Variants in KCNIP4 observed in about 807,000 individuals in gnomAD.
The protein encoded by KCNIP4 is potassium voltage-gated channel interacting protein 4.
Under a neutral mutation model 34.0 loss-of-function variants are expected in KCNIP4, and 12 were observed. The observed-to-expected ratio is 0.35, with a 90% confidence interval of 0.23 to 0.57. The LOEUF (loss-of-function observed/expected upper bound fraction) is 0.57, where lower values mean the gene tolerates loss of function less well. KCNIP4 is among the 20% of genes least tolerant of loss of function. KCNIP4 has a pLI of 0.83. For synonymous variants in KCNIP4, 124 were observed against 102.2 expected, an observed-to-expected ratio of 1.21 and a Z score of -1.29; for missense variants, 238 against 311.7, an observed-to-expected ratio of 0.76 and a Z score of 1.78.
chr4:21,391,862 CTGA>C (rs1353635559), intron 1 of KCNIP4, among the ~76,000 whole-genome samples: 1 of 152,056 alleles, frequency 6.6e-6, no homozygotes, highest in Non-Finnish European at 1.5e-5. Flanking sequence ...TGTGATGTTC[CTGA>C]TGTGTACAAA....
rs1039040393 is a variant in KCNIP4, at chr4:21,108,292, G to C, written c.62-225583C>G. On this transcript the variant is annotated intron_variant, in intron 1 of 8. Transcript: ENST00000382152. ...TAGTCCCATATTTCTTGGAGGCTTT[G>C]CTCGTTTCTTTTTATTTTTTCTCTA... Among the ~76,000 whole-genome samples, 3 of 135,344 alleles carry C rather than the reference G, an allele frequency of 2.2e-5. 1 individual carries two copies. The highest frequency in any genetic ancestry group is 9.3e-5 in the African/African-American group (3 of 32,248). 88.8% of individuals were successfully genotyped at this position (135,344 alleles called of 152,430 possible).
At chr4:21,071,754 T>C (rs1240098878) in intron 1 of KCNIP4, among the ~76,000 whole-genome samples, 1 of 152,140 alleles carries the variant, frequency 6.6e-6, no homozygotes, top group Non-Finnish European at 1.5e-5. Flanking sequence ...TAACTCGTCA[T>C]TTACATTGGG....
At chr4:20,945,379 TG>T (rs1324037681) in intron 1 of KCNIP4, among the ~76,000 whole-genome samples, 4 of 152,204 alleles carry the variant, frequency 2.6e-5, no homozygotes, top group African/African-American at 9.7e-5. Context: ...TCAGTTGTGT[TG>T]GCAAGAACAT....
chr4:21,363,102 C>A (rs1194086194), intron 1 of KCNIP4, among the ~76,000 whole-genome samples: 1 of 152,044 alleles, frequency 6.6e-6, no homozygotes, highest in African/African-American at 2.4e-5. Context: ...GAAAACAGAG[C>A]CTCAGAGAGG....
intron 1 of KCNIP4, among the ~76,000 whole-genome samples, chr4:21,079,215 C>T (rs1020370085): frequency 5.3e-5 from 8 of 152,090 alleles, no homozygotes; most frequent in Non-Finnish European, 1.2e-4. Context: ...CATCTATGAC[C>T]CATTTTTTGG....
At chr4:21,234,210 G>GTATATGATATATAACA in intron 1 of KCNIP4, among the ~76,000 whole-genome samples, 1 of 31,462 alleles carries the variant, frequency 3.2e-5, no homozygotes, top group East Asian at 5.7e-4. Context: ...CATATATAAC[G>GTATATGATATATAACA]TATATTATAT....
chr4:21,918,778 G>T (rs1234908867), intron 1 of KCNIP4, among the ~76,000 whole-genome samples: 1 of 152,094 alleles, frequency 6.6e-6, no homozygotes, highest in Non-Finnish European at 1.5e-5. Flanking sequence ...TGGTGATCAG[G>T]GGATGAAATT....
chr4:21,552,608 T>C (rs1471941754), intron 1 of KCNIP4, among the ~76,000 whole-genome samples: 1 of 152,160 alleles, frequency 6.6e-6, no homozygotes, highest in African/African-American at 2.4e-5. Flanking sequence ...AGTTTGAAAA[T>C]GTCTGCAACT....
chr4:21,797,028 T>A (rs1402173725), intron 1 of KCNIP4, among the ~76,000 whole-genome samples: 1 of 152,248 alleles, frequency 6.6e-6, no homozygotes, highest in Non-Finnish European at 1.5e-5. Flanking sequence ...TTGTATTTTC[T>A]ACCATCACTA....
At chr4:21,318,509 A>G (rs1159105163) in intron 1 of KCNIP4, among the ~76,000 whole-genome samples, 14 of 152,114 alleles carry the variant, frequency 9.2e-5, no homozygotes, top group Non-Finnish European at 1.5e-5. Flanking sequence ...GGATTTTGAA[A>G]AGGTCATTTT....
chr4:21,476,150 A>G (rs1730947413), intron 1 of KCNIP4, among the ~76,000 whole-genome samples: 1 of 152,194 alleles, frequency 6.6e-6, no homozygotes, highest in Non-Finnish European at 1.5e-5. Context: ...ATCTTCGCTC[A>G]AGAGTCAAAA....
chr4:21,234,465 T>TACA (rs1369659375), intron 1 of KCNIP4, among the ~76,000 whole-genome samples: 9 of 129,192 alleles, frequency 7.0e-5, no homozygotes, highest in Admixed American at 4.3e-4. Flanking sequence ...ATATAACGTA[T>TACA]ATAATATATA....
chr4:21,855,149 C>T (rs997673513), intron 1 of KCNIP4, among the ~76,000 whole-genome samples: 12 of 152,128 alleles, frequency 7.9e-5, no homozygotes, highest in African/African-American at 2.7e-4. Context: ...AATGGAGAGC[C>T]GTCTATTGTT....
At chr4:21,893,804 G>T (rs1420308809) in intron 1 of KCNIP4, among the ~76,000 whole-genome samples, 1 of 152,100 alleles carries the variant, frequency 6.6e-6, no homozygotes, top group African/African-American at 2.4e-5. Flanking sequence ...TGAAGCTGTA[G>T]TTGCATGGTA....
chr4:20,988,303 C>G lies in KCNIP4; in HGVS notation c.62-105594G>C, dbSNP rs1331592182. On this transcript the variant is annotated intron_variant, in intron 1 of 8. Coordinates refer to ENST00000382152, the MANE Select transcript of KCNIP4 (RefSeq NM_025221.6). ...TGAAAGGAAAGTATTGACAGAAACT[C>G]TTAGGAAAGTAAAAACTCACTCCAA... 2.6e-5 allele frequency among the ~76,000 whole-genome samples: 4 copies of G among 152,154 alleles called. No individual in the cohort carries two copies. In the South Asian group the frequency reaches 8.3e-4, roughly 31 times the overall value.
At position 21,353,710 on chromosome 4, in the gene KCNIP4, T is replaced by C. The variant is rs189684235; in HGVS notation, c.62-471001A>G. The stretch of plus-strand genomic sequence containing the variant: ...AAGTGACAAGGAGAATGGAAACAAG[T>C]GTGAAAACACTCTTCAGGATATTAT... On this transcript the variant is annotated intron_variant, in intron 1 of 8. Transcript: ENST00000382152. Among the ~76,000 whole-genome samples the C allele has an allele frequency of 1.4e-3, 216 of 152,316 alleles. 1 individual carries two copies. The highest frequency in any genetic ancestry group is 0.01 in the Middle Eastern group (3 of 294).
At chr4:21,338,491 C>T (rs1460797787) in intron 1 of KCNIP4, among the ~76,000 whole-genome samples, 2 of 145,758 alleles carry the variant, frequency 1.4e-5, no homozygotes, top group Non-Finnish European at 3.0e-5. Context: ...CTTGTAGTCC[C>T]CGCTACTCAG....
intron 1 of KCNIP4, among the ~76,000 whole-genome samples, chr4:21,344,409 A>C (rs1171015392): frequency 6.6e-6 from 1 of 152,210 alleles, no homozygotes; most frequent in Non-Finnish European, 1.5e-5. Flanking sequence ...ATCCATAAGC[A>C]CATTATTTCA....
chr4:21,917,611 T>G (rs9997450), intron 1 of KCNIP4, among the ~76,000 whole-genome samples: 37,765 of 152,092 alleles, frequency 0.25, 5,563 homozygotes, highest in East Asian at 0.61. Context: ...AACCCTGGAC[T>G]GTCTAATCCA....
Sources: allele counts gnomAD v4.1 joint callset (sites outside exome capture counted in the v4.1 genomes callset), GRCh38; gene constraint gnomAD v4.1.1; transcripts MANE v1.5; gene names NCBI Gene and HGNC (gene_info 2026-07-23, HGNC 2026-07-21).